LDB2: variants seen among roughly 807,000 people sequenced by gnomAD.
The protein encoded by LDB2 is LIM domain-binding protein 2.
A neutral mutation model predicts 44.3 loss-of-function variants in LDB2; 12 were observed. The observed-to-expected ratio is 0.27, with a 90% CI of 0.17 to 0.44. The LOEUF is 0.44. LDB2 is among the 20% of genes least tolerant of loss of function. The pLI is 1.00. For synonymous variants in LDB2, 164 were observed against 174.8 expected, an observed-to-expected ratio of 0.94 and a Z score of 0.49; for missense variants, 344 against 473.5, an observed-to-expected ratio of 0.73 and a Z score of 2.54.
chr4:16,893,513 C>A (rs1028124266), intron 1 of LDB2, among the ~76,000 whole-genome samples: 1 of 151,176 alleles, frequency 6.6e-6, no homozygotes. Flanking sequence ...AAGAATCCCC[C>A]TCCTCCCCAC....
At chr4:16,777,130 TGTGCAGGCACTGGAAGTAGAGG>T (rs1454548306) in intron 1 of LDB2, among the ~76,000 whole-genome samples, 1 of 152,186 alleles carries the variant, frequency 6.6e-6, no homozygotes, top group Non-Finnish European at 1.5e-5. Flanking sequence ...AGAAGGATTC[TGTGCAGGCACTGGAAGTAGAGG>T]GTGAACAGGA....
At chr4:16,781,184 G>T (rs1301188396) in intron 1 of LDB2, among the ~76,000 whole-genome samples, 1 of 152,168 alleles carries the variant, frequency 6.6e-6, no homozygotes, top group Admixed American at 6.5e-5. Context: ...ACAGAATAGG[G>T]ATGCCACAGA....
chr4:16,551,725 C>G (rs1056301159), intron 5 of LDB2, among the ~76,000 whole-genome samples: 1 of 152,118 alleles, frequency 6.6e-6, no homozygotes, highest in Non-Finnish European at 1.5e-5. Context: ...CCATGTTGGC[C>G]AGACTGGTCT....
At chr4:16,858,579 C>T (rs1000106674) in intron 1 of LDB2, among the ~76,000 whole-genome samples, 1 of 152,196 alleles carries the variant, frequency 6.6e-6, no homozygotes, top group Non-Finnish European at 1.5e-5. Flanking sequence ...ACTAATTCTT[C>T]TATTTTCAGC....
intron 1 of LDB2, among the ~76,000 whole-genome samples, chr4:16,836,962 A>C (rs1481576655): frequency 6.6e-6 from 1 of 152,172 alleles, no homozygotes; most frequent in African/African-American, 2.4e-5. Context: ...CATATTACAC[A>C]CACTGAACTG....
intron 2 of LDB2, among the ~76,000 whole-genome samples, chr4:16,696,861 C>A (rs1752240469): frequency 6.6e-6 from 1 of 152,080 alleles, no homozygotes; most frequent in South Asian, 2.1e-4. Context: ...CAGGCTCTAC[C>A]CAGATTGCTT....
intron 2 of LDB2, among the ~76,000 whole-genome samples, chr4:16,710,622 C>G (rs1172862693): frequency 1.3e-5 from 2 of 151,992 alleles, no homozygotes; most frequent in East Asian, 3.8e-4. Flanking sequence ...GAAAGCCACC[C>G]CTGTGTAGTC....
At chr4:16,759,742 A>C (rs952413560) in intron 1 of LDB2, among the ~76,000 whole-genome samples, 24 of 152,214 alleles carry the variant, frequency 1.6e-4, no homozygotes, top group African/African-American at 5.3e-4. Flanking sequence ...TATCCCTATA[A>C]AAGATACAGG....
chr4:16,763,104 C>T (rs553142731), intron 1 of LDB2, among the ~76,000 whole-genome samples: 25 of 150,982 alleles, frequency 1.7e-4, no homozygotes, highest in Admixed American at 4.6e-4. Context: ...CACACACACA[C>T]ACACACACAC....
intron 1 of LDB2, among the ~76,000 whole-genome samples, chr4:16,837,005 A>C (rs1316650821): frequency 6.6e-6 from 1 of 152,338 alleles, no homozygotes; most frequent in East Asian, 1.9e-4. Flanking sequence ...ACACAATTTC[A>C]TACTTCATCT....
At chr4:16,738,152 A>T (rs1266039327) in intron 2 of LDB2, among the ~76,000 whole-genome samples, 1 of 152,188 alleles carries the variant, frequency 6.6e-6, no homozygotes, top group Non-Finnish European at 1.5e-5. Flanking sequence ...TATCCAACCA[A>T]AGATATCAAC....
intron 5 of LDB2, among the ~76,000 whole-genome samples, chr4:16,518,129 C>T (rs911851893): frequency 6.6e-6 from 1 of 152,168 alleles, no homozygotes; most frequent in South Asian, 2.1e-4. Flanking sequence ...AGGATTCCTG[C>T]CTTTTCATAT....
At chr4:16,704,536 C>T (rs1754182506) in intron 2 of LDB2, among the ~76,000 whole-genome samples, 1 of 152,198 alleles carries the variant, frequency 6.6e-6, no homozygotes, top group Non-Finnish European at 1.5e-5. Flanking sequence ...CACACCCACA[C>T]CTGCTCTGTA....
chr4:16,581,837 C>T (rs1202654151), intron 5 of LDB2, among the ~76,000 whole-genome samples: 1 of 151,722 alleles, frequency 6.6e-6, no homozygotes, highest in Non-Finnish European at 1.5e-5. Flanking sequence ...AGTTTTCTCT[C>T]CTGCAAAATA....
At chr4:16,879,321 T>C (rs1191322174) in intron 1 of LDB2, among the ~76,000 whole-genome samples, 1 of 152,200 alleles carries the variant, frequency 6.6e-6, no homozygotes, top group Non-Finnish European at 1.5e-5. Context: ...ATGTGTCAAC[T>C]TGACTGAGCC....
At chr4:16,864,100 G>T (rs1355614135) in intron 1 of LDB2, among the ~76,000 whole-genome samples, 2 of 152,058 alleles carry the variant, frequency 1.3e-5, no homozygotes, top group African/African-American at 4.8e-5. Context: ...TCATTCACAT[G>T]AGAGAGAGGG....
intron 2 of LDB2, among the ~76,000 whole-genome samples, chr4:16,617,394 C>A (rs1467283724): frequency 1.3e-5 from 2 of 152,142 alleles, no homozygotes; most frequent in Non-Finnish European, 2.9e-5. Flanking sequence ...GGCAGACAAT[C>A]CAATTTTACT....
intron 1 of LDB2, among the ~76,000 whole-genome samples, chr4:16,821,767 A>AAAAAAAAAAAAG: frequency 6.6e-6 from 1 of 150,432 alleles, no homozygotes; most frequent in African/African-American, 2.4e-5. Flanking sequence ...AAAAAAAAAA[A>AAAAAAAAAAAAG]AAATCAGGAA....
chr4:16,523,547 C>T (rs188225793), intron 5 of LDB2, among the ~76,000 whole-genome samples: 17 of 152,118 alleles, frequency 1.1e-4, no homozygotes, highest in African/African-American at 3.6e-4. Flanking sequence ...TGCCATACTG[C>T]GACAGTCGAT....
Sources: gnomAD v4.1 joint callset for allele counts (sites outside exome capture counted in the v4.1 genomes callset) on GRCh38, gnomAD v4.1.1 for gene constraint, MANE v1.5 for transcripts, NCBI Gene and HGNC (gene_info 2026-07-23, HGNC 2026-07-21) for gene names.